Variants in HDAC6 observed in about 807,000 individuals in gnomAD.
The protein encoded by HDAC6 is histone deacetylase 6.
Under a neutral mutation model 88.9 loss-of-function variants are expected in HDAC6, and 5 were observed. That is an observed-to-expected ratio of 0.06 (90% confidence interval 0.03 to 0.12). HDAC6 has a LOEUF of 0.12. Ranked by LOEUF, HDAC6 falls within the 10% of genes least tolerant of loss-of-function variation. The probability of loss-of-function intolerance (pLI) is 1.00; values close to 1 mark genes in which losing one functional copy is unlikely to be tolerated. For missense variants in HDAC6, 706 were observed against 1,014.4 expected (o/e 0.70, Z 4.13); for synonymous variants, 378 against 398.0 (o/e 0.95, Z 0.60).
Position 48,823,434 on chromosome X carries a change from C to T in HDAC6, c.3035C>T (p.Ala1012Val), listed in dbSNP as rs1175419518. 3 of 1,209,167 alleles carry T rather than the reference C, an allele frequency of 2.5e-6. No individual in the cohort carries two copies. The African/African-American group carries it at 5.2e-5, about 21-fold the overall frequency. ...ATLDQTTSEE[A>V]PGGTELIQTP... is the part of the protein sequence containing the mutation. ...CTGGACCAGACTACGTCAGAGGAGGCTCCAGGGGGCACCGAGCTGATCCAA... is the reference window on the plus strand; with the variant it reads ...CTGGACCAGACTACGTCAGAGGAGGTTCCAGGGGGCACCGAGCTGATCCAA... Residue 1012 changes from alanine to valine, a missense_variant, in exon 25 of 29, where the codon GCT becomes GTT. By Grantham distance (64) the Ala-to-Val change is moderately conservative. This residue lies in a region of HDAC6 where 13 missense variants were observed against 33.4 expected (regional missense o/e 0.39). Coordinates refer to ENST00000334136, the MANE Select transcript of HDAC6 (RefSeq NM_006044.4).
rs201823919 is a variant in HDAC6, at chrX:48,808,312, C to T, written c.792C>T (p.Phe264=). 38 of 1,199,459 alleles carry T rather than the reference C, an allele frequency of 3.2e-5. No individual in the cohort carries two copies. Among genetic ancestry groups the T allele is most frequent in the Non-Finnish European group, 1.8e-5 (16 of 887,986 alleles). ...VHHGQGTQFT[F]DQDPSVLYFS... ...ACGGTCAAGGAACACAGTTCACCTTCGACCAGGACCCCAGGTATACCCCGA... is the reference window on the plus strand; with the variant it reads ...ACGGTCAAGGAACACAGTTCACCTTTGACCAGGACCCCAGGTATACCCCGA... The change falls in exon 10 of 29, where the codon TTC becomes TTT. Residue 264 remains phenylalanine (F), a synonymous_variant. Coordinates refer to ENST00000334136, the MANE Select transcript of HDAC6 (RefSeq NM_006044.4).
chrX:48,823,860 G>A, intron 26 of HDAC6, 62 bp from the exon 27 acceptor site: 1 of 1,199,481 alleles, frequency 8.3e-7, no homozygotes, highest in Non-Finnish European at 1.1e-6. Flanking sequence ...AGCATGTGAT[G>A]AATAAACATA....
At chrX:48,804,986 G>C (rs1269774508) in intron 4 of HDAC6, among the ~76,000 whole-genome samples, 3 of 111,074 alleles carry the variant, frequency 2.7e-5, no homozygotes, top group Non-Finnish European at 5.7e-5. Flanking sequence ...GAGAACCAGG[G>C]AAGAGACCAG....
At position 48,823,510 on chromosome X, in the gene HDAC6, G is replaced by A. The variant is rs370785726; in HGVS notation, c.3111G>A (p.Val1037=). Residue 1037 remains valine, a synonymous_variant, in exon 25 of 29, where the codon GTG becomes GTA. Coordinates refer to ENST00000334136, the MANE Select transcript of HDAC6 (RefSeq NM_006044.4). ...ACCAGACCCCCCCAACCTCACCTGTGCAGGGAACTACACCCCAGATATCTC... is the reference window on the plus strand; with the variant it reads ...ACCAGACCCCCCCAACCTCACCTGTACAGGGAACTACACCCCAGATATCTC... ...TDHQTPPTSP[V]QGTTPQISPS... 3.4e-5 allele frequency: 41 copies of A among 1,208,645 alleles called. No individual in the cohort carries two copies. The highest frequency in any genetic ancestry group is 4.2e-5 in the Non-Finnish European group (38 of 894,535).
chrX:48,817,615 G>A, intron 20 of HDAC6, 156 bp downstream of exon 20: 1 of 485,894 alleles, frequency 2.1e-6, no homozygotes, highest in Non-Finnish European at 3.3e-6. Flanking sequence ...GAAGGACCGA[G>A]GATGGAGCCT....
At chrX:48,813,260 A>G (rs2062930612) in intron 10 of HDAC6, 1 of 112,153 alleles carries the variant, frequency 8.9e-6, no homozygotes. Context: ...CTAATGATTA[A>G]CTTACTAAAA....
chrX:48,816,006 C>A lies in HDAC6; in HGVS notation c.1447C>A (p.Leu483Met). 1 of 1,211,598 alleles carries A rather than the reference C, an allele frequency of 8.3e-7. No individual in the cohort carries two copies. The highest frequency in any genetic ancestry group is 1.1e-6 in the Non-Finnish European group (1 of 895,297). Residue 483 changes from leucine to methionine, a missense_variant, in exon 17 of 29, where the codon CTG (leucine) becomes ATG (methionine). Transcript: ENST00000334136. ...GCCAGTGCTACAGTCTCGCACAGGG[C>A]TGGTCTATGACCAAAATATGATGAA... ...TWPVLQSRTG[L>M]VYDQNMMNHC... is the part of the protein sequence containing the mutation.
chrX:48,803,474 G>A, intron 4 of HDAC6: 1 of 363,198 alleles, frequency 2.8e-6, no homozygotes, highest in Non-Finnish European at 4.9e-6. Flanking sequence ...TTGATGAGTA[G>A]GAGGGCAGAT....
chrX:48,803,205 C>T lies in HDAC6; in HGVS notation c.300C>T (p.Leu100=). ...LDEQLNEFHC[L]WDDSFPEGPE... is the part of the protein sequence containing the mutation. ...AGCAGTTAAATGAATTCCATTGCCT[C>T]TGGGATGACAGGTGAGGCTGGGTCC... Residue 100 remains leucine (L), a synonymous_variant, in exon 4 of 29, where the codon CTC becomes CTT. Coordinates refer to ENST00000334136, the MANE Select transcript of HDAC6 (RefSeq NM_006044.4). The T allele has an allele frequency of 8.3e-7, 1 of 1,205,051 alleles. No individual in the cohort carries two copies. Among genetic ancestry groups the T allele is most frequent in the Non-Finnish European group, 1.1e-6 (1 of 890,123 alleles).
Position 48,816,278 on chromosome X carries a change from C to T in HDAC6, c.1622+9C>T. ...CTGCTCACCTGTCACAGGTCAGACCCCGGTGCCTGGGGTGGGTGGATTCCC... is the reference window on the plus strand; with the variant it reads ...CTGCTCACCTGTCACAGGTCAGACCTCGGTGCCTGGGGTGGGTGGATTCCC... On this transcript the variant is annotated intron_variant, in intron 18 of 28. Coordinates refer to ENST00000334136, the MANE Select transcript of HDAC6 (RefSeq NM_006044.4). 1 of 1,205,227 alleles carries T rather than the reference C, an allele frequency of 8.3e-7. No homozygotes were observed. The highest frequency in any genetic ancestry group is 1.1e-6 in the Non-Finnish European group (1 of 891,529).
At chrX:48,824,489 G>A (rs2063136051) in intron 28 of HDAC6, 55 bp from the exon 29 acceptor site, 2 of 1,122,040 alleles carry the variant, frequency 1.8e-6, no homozygotes, top group Admixed American at 2.2e-5. Context: ...CCCTGCAGCC[G>A]AGGTAGAGGG....
chrX:48,810,087 A>T lies in HDAC6; in HGVS notation c.806+1761A>T, dbSNP rs1417916823. On this transcript the variant is annotated intron_variant, in intron 10 of 28. Transcript: ENST00000334136. The stretch of plus-strand genomic sequence containing the variant: ...TTGGTGTTCTTTTTTTTTTTTTTTT[A>T]AATTATTAGACAGGGTATCACTCTG... 6.7e-3 allele frequency among the ~76,000 whole-genome samples: 657 copies of T among 97,641 alleles called. 7 individuals are homozygous for T. Among genetic ancestry groups the T allele is most frequent in the African/African-American group, 0.022 (583 of 26,220 alleles). 84.8% of individuals were successfully genotyped at this position (97,641 alleles called of 115,157 possible).
upstream of HDAC6, chrX:48,801,780 G>A: frequency 1.1e-6 from 1 of 886,825 alleles, no homozygotes; most frequent in Non-Finnish European, 1.5e-6. Context: ...GCGCGGCCTT[G>A]AGGCACGGTC....
chrX:48,809,637 C>T (rs1341118089), intron 10 of HDAC6, among the ~76,000 whole-genome samples: 1 of 109,779 alleles, frequency 9.1e-6, no homozygotes, highest in African/African-American at 3.3e-5. Flanking sequence ...CCCGTCTCTA[C>T]AAAAATACAG....
rs906458085 is a variant in HDAC6, at chrX:48,821,797, C to T, written c.2338-823C>T. ...TGCTGGGATTATAGGGGTGAGCCACCGCGCCCAGCCTGTGCTGTTATTTTC... is the reference window on the plus strand; with the variant it reads ...TGCTGGGATTATAGGGGTGAGCCACTGCGCCCAGCCTGTGCTGTTATTTTC... On this transcript the variant is annotated intron_variant, in intron 23 of 28. Coordinates refer to ENST00000334136, the MANE Select transcript of HDAC6 (RefSeq NM_006044.4). Among the ~76,000 whole-genome samples the T allele has an allele frequency of 6.3e-5, 7 of 111,760 alleles. No individual in the cohort carries two copies. In the South Asian group the frequency reaches 1.1e-3, roughly 18 times the overall value.
intron 8 of HDAC6, 72 bp from the exon 9 acceptor site, chrX:48,807,961 C>T: frequency 1.4e-6 from 1 of 694,600 alleles, no homozygotes; most frequent in Non-Finnish European, 2.2e-6. Flanking sequence ...GATTAGAGAG[C>T]AGGGGACAGT....
intron 24 of HDAC6, 29 bp downstream of exon 24, chrX:48,822,823 A>T (rs781829631): frequency 8.5e-7 from 1 of 1,175,469 alleles, no homozygotes; most frequent in Middle Eastern, 2.4e-4. Flanking sequence ...GATGGGGGGA[A>T]CCCAGGGAAG....
chrX:48,814,958 C>A lies in HDAC6; in HGVS notation c.1060-4C>A. On this transcript the variant is annotated splice_polypyrimidine_tract_variant and splice_region_variant and intron_variant, in intron 13 of 28. Coordinates refer to ENST00000334136, the MANE Select transcript of HDAC6 (RefSeq NM_006044.4). ...AGCCAGGCTGACCCTCCATGTCCCC[C>A]CAGGGTGAGATGGCCGCCACTCCGG... The A allele has an allele frequency of 5.8e-6, 7 of 1,210,366 alleles. No individual in the cohort carries two copies. Among genetic ancestry groups the A allele is most frequent in the Non-Finnish European group, 7.8e-6 (7 of 894,704 alleles).
Position 48,814,743 on chromosome X carries a change from C to T in HDAC6, c.999+3C>T, listed in dbSNP as rs2147360792. ...TCCTGCTGCCAGTCGCCCTCGAGGT[C>T]CTGGGGATCTGGGGTGTGTTGGGAG... On this transcript the variant is annotated splice_donor_region_variant and intron_variant, in intron 12 of 28. Transcript: ENST00000334136. 1.7e-6 allele frequency: 2 copies of T among 1,210,863 alleles called. No homozygotes were observed. Among genetic ancestry groups the T allele is most frequent in the Non-Finnish European group, 2.2e-6 (2 of 895,026 alleles).
Sources: allele counts gnomAD v4.1 joint callset (sites outside exome capture counted in the v4.1 genomes callset), GRCh38; gene constraint gnomAD v4.1.1; regional missense constraint gnomAD v4.1.1; transcripts MANE v1.5; gene names NCBI Gene and HGNC (gene_info 2026-07-23, HGNC 2026-07-21).